Variants in SLC24A2 observed in about 807,000 individuals in gnomAD.
SLC24A2 encodes solute carrier family 24 member 2, also known as sodium/potassium/calcium exchanger 2.
Under a neutral mutation model 62.0 loss-of-function variants are expected in SLC24A2, and 36 were observed. That is an observed-to-expected ratio of 0.58 (90% CI 0.44 to 0.77). The LOEUF (loss-of-function observed/expected upper bound fraction) is 0.77, where lower values mean the gene tolerates loss of function less well. SLC24A2 is among the 30% of genes least tolerant of loss of function. SLC24A2 has a pLI of 0.00. For missense variants in SLC24A2, 846 were observed against 817.9 expected, an observed-to-expected ratio of 1.03 and a Z score of -0.42; for synonymous variants, 358 against 294.0, an observed-to-expected ratio of 1.22 and a Z score of -2.23.
chr9:19,974,507 T>C, the SLC24A2 span, among the ~76,000 whole-genome samples: 1 of 152,216 alleles, frequency 6.6e-6, no homozygotes, highest in African/African-American at 2.4e-5. Flanking sequence ...TTCAATATTC[T>C]TTCCTGAGCA....
chr9:19,646,262 T>C (rs1007658398), intron 2 of SLC24A2, among the ~76,000 whole-genome samples: 11 of 152,178 alleles, frequency 7.2e-5, no homozygotes, highest in African/African-American at 2.4e-4. Context: ...GCCATTTCAG[T>C]TTCTTGCTTG....
At position 19,516,324 on chromosome 9, in the gene SLC24A2, A is replaced by G; in HGVS notation, c.1815T>C (p.Cys605=). ...PVAVSSNGLF[C]AIVLLFIMLL... Reference sequence around the variant, plus strand: ...GCATGATGAAGAGAAGGACGATGGCACAGAAAAGGCCATTGCTGCTGACAG... The same window carrying G: ...GCATGATGAAGAGAAGGACGATGGCGCAGAAAAGGCCATTGCTGCTGACAG... The change falls in exon 11 of 11, where the codon TGT becomes TGC. Residue 605 remains cysteine, a synonymous_variant. Coordinates refer to ENST00000341998, the MANE Select transcript of SLC24A2 (RefSeq NM_020344.4). 1.2e-6 allele frequency: 2 copies of G among 1,614,218 alleles called. No homozygotes were observed. Among genetic ancestry groups the G allele is most frequent in the Non-Finnish European group, 1.7e-6 (2 of 1,180,036 alleles).
At chr9:19,799,401 C>T in the SLC24A2 span, among the ~76,000 whole-genome samples, 2,318 of 152,260 alleles carry the variant, frequency 0.015, 67 homozygotes, top group African/African-American at 0.053. Context: ...ACGCCTGCCA[C>T]GTTCTGTGTT....
At chr9:20,307,164 G>A in the SLC24A2 span, among the ~76,000 whole-genome samples, 1 of 152,082 alleles carries the variant, frequency 6.6e-6, no homozygotes, top group Admixed American at 6.5e-5. Flanking sequence ...GTCACAGATA[G>A]AAAGTAACCA....
intron 2 of SLC24A2, among the ~76,000 whole-genome samples, chr9:19,695,697 A>C (rs1428928243): frequency 6.6e-6 from 1 of 151,332 alleles, no homozygotes; most frequent in African/African-American, 2.4e-5. Context: ...AAAAAAAAAA[A>C]AAAAAACCTA....
the SLC24A2 span, among the ~76,000 whole-genome samples, chr9:20,182,834 A>G: frequency 6.6e-6 from 1 of 152,220 alleles, no homozygotes; most frequent in Non-Finnish European, 1.5e-5. Context: ...ATGTATAAGT[A>G]TAAAGGCAGA....
chr9:19,841,477 G>A, the SLC24A2 span, among the ~76,000 whole-genome samples: 1 of 152,154 alleles, frequency 6.6e-6, no homozygotes, highest in Non-Finnish European at 1.5e-5. Flanking sequence ...TAGGTGAAGT[G>A]CCCCTCAAAG....
the SLC24A2 span, among the ~76,000 whole-genome samples, chr9:20,121,890 C>CT: frequency 6.6e-6 from 1 of 152,096 alleles, no homozygotes; most frequent in Non-Finnish European, 1.5e-5. Context: ...TACTTTCATC[C>CT]TTATACATCT....
intron 2 of SLC24A2, among the ~76,000 whole-genome samples, chr9:19,676,818 T>C (rs1564031315): frequency 6.6e-6 from 1 of 152,242 alleles, no homozygotes; most frequent in Non-Finnish European, 1.5e-5. Context: ...ATAGTTAATT[T>C]CTTAACCTAA....
At chr9:19,953,191 T>G in the SLC24A2 span, among the ~76,000 whole-genome samples, 2 of 152,050 alleles carry the variant, frequency 1.3e-5, no homozygotes, top group Non-Finnish European at 1.5e-5. Context: ...AGCGTAACGA[T>G]TTCATTGATT....
At chr9:19,520,714 C>A (rs973869241) in intron 10 of SLC24A2, among the ~76,000 whole-genome samples, 180 bp downstream of exon 10, 2 of 151,748 alleles carry the variant, frequency 1.3e-5, no homozygotes, top group Non-Finnish European at 2.9e-5. Context: ...TCATTAAGTT[C>A]TCTGAAATGA....
the SLC24A2 span, among the ~76,000 whole-genome samples, chr9:20,159,956 A>C: frequency 6.6e-6 from 1 of 151,608 alleles, no homozygotes; most frequent in Admixed American, 6.6e-5. Flanking sequence ...ATCAGTAATA[A>C]TAAGTGTGGA....
intron 2 of SLC24A2, among the ~76,000 whole-genome samples, chr9:19,698,434 A>C (rs1487981505): frequency 3.3e-5 from 5 of 152,172 alleles, no homozygotes; most frequent in Non-Finnish European, 5.9e-5. Flanking sequence ...GCAATCCAAA[A>C]CACTTCTGGT....
chr9:20,191,846 A>C, the SLC24A2 span, among the ~76,000 whole-genome samples: 2 of 152,284 alleles, frequency 1.3e-5, no homozygotes, highest in East Asian at 3.9e-4. Flanking sequence ...AACAAAACCA[A>C]CTATACTTGA....
the SLC24A2 span, among the ~76,000 whole-genome samples, chr9:19,805,894 T>A: frequency 6.6e-6 from 1 of 151,548 alleles, no homozygotes; most frequent in Non-Finnish European, 1.5e-5. Flanking sequence ...CAAGTGTGGG[T>A]CCCTGAGGCT....
At chr9:19,695,434 C>G (rs1170478115) in intron 2 of SLC24A2, among the ~76,000 whole-genome samples, 2 of 151,932 alleles carry the variant, frequency 1.3e-5, no homozygotes, top group Non-Finnish European at 2.9e-5. Flanking sequence ...CCACAAACAT[C>G]AACCAAACAA....
At chr9:20,190,274 A>T in the SLC24A2 span, among the ~76,000 whole-genome samples, 1 of 152,194 alleles carries the variant, frequency 6.6e-6, no homozygotes, top group African/African-American at 2.4e-5. Flanking sequence ...GGGAAACTGC[A>T]AAATAGCCTA....
the SLC24A2 span, among the ~76,000 whole-genome samples, chr9:20,165,770 C>G: frequency 0.43 from 64,856 of 151,512 alleles, 15,654 homozygotes; most frequent in African/African-American, 0.65. Flanking sequence ...CCACGTGTGA[C>G]AATGAAAAAA....
chr9:19,657,957 T>C (rs1818988850), intron 2 of SLC24A2, among the ~76,000 whole-genome samples: 1 of 152,158 alleles, frequency 6.6e-6, no homozygotes, highest in Non-Finnish European at 1.5e-5. Context: ...GAACTTCTTA[T>C]GAGTCTTAAA....
Sources: gnomAD v4.1 joint callset for allele counts (sites outside exome capture counted in the v4.1 genomes callset) on GRCh38, gnomAD v4.1.1 for gene constraint, MANE v1.5 for transcripts, NCBI Gene and HGNC (gene_info 2026-07-23, HGNC 2026-07-21) for gene names.